Variants in TNS3 observed in about 807,000 individuals in gnomAD.
TNS3 encodes the protein tensin 3, also known as tensin-3.
A neutral mutation model predicts 140.9 loss-of-function variants in TNS3; 45 were observed. The ratio of observed to expected loss-of-function variants is 0.32; its 90% CI spans 0.25 to 0.41. The LOEUF (loss-of-function observed/expected upper bound fraction) is 0.41, where lower values mean the gene tolerates loss of function less well. Ranked by LOEUF, TNS3 falls within the 10% of genes least tolerant of loss-of-function variation. The pLI, the probability that TNS3 is intolerant of heterozygous loss-of-function variation, is 1.00. For synonymous variants in TNS3, 815 were observed against 788.4 expected (o/e 1.03, Z -0.56); for missense variants, 1,716 against 1,906.7 (o/e 0.90, Z 1.86).
At chr7:47,396,417 C>T (rs1413984084) in intron 16 of TNS3, among the ~76,000 whole-genome samples, 1 of 152,184 alleles carries the variant, frequency 6.6e-6, no homozygotes, top group South Asian at 2.1e-4. Context: ...CATGTGGGGC[C>T]GTACAACAGT....
At chr7:47,434,525 G>A (rs1795079949) in intron 8 of TNS3, among the ~76,000 whole-genome samples, 1 of 152,174 alleles carries the variant, frequency 6.6e-6, no homozygotes, top group Admixed American at 6.5e-5. Context: ...TCTGGCAGGA[G>A]GGTTAAGCTT....
At chr7:47,305,833 G>A (rs1786718202) in intron 20 of TNS3, among the ~76,000 whole-genome samples, 1 of 152,152 alleles carries the variant, frequency 6.6e-6, no homozygotes, top group African/African-American at 2.4e-5. Flanking sequence ...ACCATGGTCA[G>A]TAAAATAATA....
Position 47,396,819 on chromosome 7 carries a change from G to A in TNS3, c.1005C>T (p.Asn335=), listed in dbSNP as rs1350708212. 1 of 1,613,952 alleles carries A rather than the reference G, an allele frequency of 6.2e-7. No homozygotes were observed. Among genetic ancestry groups the A allele is most frequent in the Non-Finnish European group, 8.5e-7 (1 of 1,179,936 alleles). Residue 335 remains asparagine, a synonymous_variant, in exon 16 of 31, where the codon AAC becomes AAT. Coordinates refer to ENST00000311160, the MANE Select transcript of TNS3 (RefSeq NM_022748.12). ...DPLIRWDSYE[N]LSADGEVLHT... ...ACGCACCTTCTCCATCTGCACTGAG[G>A]TTCTCGTACGAGTCCCAGCGTATCA...
Position 47,449,970 on chromosome 7 carries a change from G to GCTCTACAGCCCC in TNS3, c.-75-7927_-75-7916dup, listed in dbSNP as rs139908373. Reference sequence around the variant, plus strand: ...CAACTAACTGTGAATTCTCGTCTGAGCTCTACAGCCCCCTCCCATGCGGAT... The same window carrying GCTCTACAGCCCC: ...CAACTAACTGTGAATTCTCGTCTGAGCTCTACAGCCCCCTCTACAGCCCCCTCCCATGCGGAT... On this transcript the variant is annotated intron_variant, in intron 4 of 30. Transcript: ENST00000311160. Among the ~76,000 whole-genome samples the GCTCTACAGCCCC allele has an allele frequency of 2.7e-3, 412 of 152,314 alleles. 19 individuals carry two copies. The East Asian group carries it at 0.067, about 25-fold the overall frequency.
chr7:47,319,403 T>TAG (rs1022039716), intron 20 of TNS3, among the ~76,000 whole-genome samples: 1 of 150,474 alleles, frequency 6.6e-6, no homozygotes, highest in Admixed American at 6.6e-5. Context: ...GAGAGAGTGA[T>TAG]AGAGAGAGAG....
At position 47,324,995 on chromosome 7, in the gene TNS3, C is replaced by G. The variant is rs530595559; in HGVS notation, c.2650+19760G>C. On this transcript the variant is annotated intron_variant, in intron 20 of 30. Transcript: ENST00000311160. ...TTCTCGTGATGATAAATCTAGTAGG[C>G]AGCAGAAGTGATGGGACCACTGGGA... 2.6e-5 allele frequency among the ~76,000 whole-genome samples: 4 copies of G among 151,972 alleles called. No homozygotes were observed. The South Asian group carries it at 8.3e-4, about 32-fold the overall frequency.
chr7:47,341,781 T>C (rs1789031348), intron 20 of TNS3, among the ~76,000 whole-genome samples: 1 of 151,984 alleles, frequency 6.6e-6, no homozygotes, highest in African/African-American at 2.4e-5. Flanking sequence ...TGTTCTCCTT[T>C]TTCTAGGTTA....
At chr7:47,336,028 GT>G (rs1275653476) in intron 20 of TNS3, among the ~76,000 whole-genome samples, 4 of 152,174 alleles carry the variant, frequency 2.6e-5, no homozygotes, top group African/African-American at 9.7e-5. Context: ...ACAGCTGAGT[GT>G]TGTTATCACA....
intron 23 of TNS3, among the ~76,000 whole-genome samples, chr7:47,298,479 T>A (rs1238659380): frequency 6.6e-6 from 1 of 152,258 alleles, no homozygotes; most frequent in African/African-American, 2.4e-5. Context: ...GCCAGAGTGT[T>A]CCCTGATAAC....
chr7:47,532,324 T>C (rs1584822841), intron 1 of TNS3, among the ~76,000 whole-genome samples: 1 of 152,072 alleles, frequency 6.6e-6, no homozygotes, highest in African/African-American at 2.4e-5. Flanking sequence ...TGGTGCCTCT[T>C]CCAGCCAGCC....
chr7:47,356,486 C>A (rs66746226), intron 17 of TNS3, among the ~76,000 whole-genome samples: 16,820 of 152,126 alleles, frequency 0.11, 972 homozygotes, highest in South Asian at 0.15. Context: ...AAGCAGGTAC[C>A]CACATTTTTA....
In TNS3 at chr7:47,522,881, T is replaced by G. The variant is rs142401290; in HGVS notation, c.-153+6155A>C. 9.5e-3 allele frequency among the ~76,000 whole-genome samples: 1,398 copies of G among 146,644 alleles called. 6 individuals are homozygous for G. The highest frequency in any genetic ancestry group is 0.021 in the Middle Eastern group (6 of 284). On this transcript the variant is annotated intron_variant, in intron 2 of 30. Transcript: ENST00000311160. ...AGGCAGAGCTTGCTGTGAGCTGAGA[T>G]CGCGCCAATGCACTCCAGCCTGGGT...
intron 1 of TNS3, among the ~76,000 whole-genome samples, chr7:47,581,059 G>A (rs1459095506): frequency 6.6e-6 from 1 of 152,114 alleles, no homozygotes; most frequent in Non-Finnish European, 1.5e-5. Context: ...GGCGCTTTGA[G>A]TTTTTCAACC....
At chr7:47,408,354 T>C (rs1265540994) in intron 13 of TNS3, among the ~76,000 whole-genome samples, 4 of 151,972 alleles carry the variant, frequency 2.6e-5, no homozygotes. Flanking sequence ...TTCCAACTGC[T>C]ACAACAGAGA....
intron 26 of TNS3, 139 bp from the exon 27 acceptor site, chr7:47,292,171 G>T (rs1276754964): frequency 8.9e-6 from 7 of 783,816 alleles, no homozygotes; most frequent in Non-Finnish European, 1.4e-5. Context: ...TTTCTCTTTG[G>T]GACAATAATT....
intron 22 of TNS3, among the ~76,000 whole-genome samples, chr7:47,302,570 C>G (rs1364303032): frequency 1.3e-5 from 2 of 152,230 alleles, no homozygotes; most frequent in Non-Finnish European, 2.9e-5. Context: ...CCATAGACCA[C>G]ACTGCTTCTT....
intron 16 of TNS3, among the ~76,000 whole-genome samples, chr7:47,389,136 A>AAGCAGCAGAAGCAGAAGCAGAAGAAGC: frequency 2.5e-5 from 1 of 40,722 alleles, no homozygotes; most frequent in Middle Eastern, 0.015. Context: ...GAAGAAGAAG[A>AAGCAGCAGAAGCAGAAGCAGAAGAAGC]AGAAGAAGAA....
chr7:47,574,626 G>GAC (rs3066624), intron 1 of TNS3, among the ~76,000 whole-genome samples: 63 of 145,488 alleles, frequency 4.3e-4, no homozygotes, highest in East Asian at 1.9e-3. Flanking sequence ...TATTCATACA[G>GAC]ACACACACAC....
intron 17 of TNS3, among the ~76,000 whole-genome samples, chr7:47,355,823 G>C (rs972068952): frequency 1.3e-5 from 2 of 152,106 alleles, no homozygotes; most frequent in Non-Finnish European, 2.9e-5. Context: ...CTTTGCCAGC[G>C]CACGGCCTGG....
Sources: allele counts gnomAD v4.1 joint callset (sites outside exome capture counted in the v4.1 genomes callset), GRCh38; gene constraint gnomAD v4.1.1; transcripts MANE v1.5; gene names NCBI Gene and HGNC (gene_info 2026-07-23, HGNC 2026-07-21).